LARGE1: variants seen among roughly 807,000 people sequenced by gnomAD.
LARGE1 encodes the protein LARGE xylosyl- and glucuronyltransferase 1.
LARGE1 carries 43 observed loss-of-function variants against 87.6 expected under a neutral mutation model. The ratio of observed to expected loss-of-function variants is 0.49; its 90% CI spans 0.38 to 0.63. LARGE1 has a LOEUF of 0.63. Ranked by LOEUF, LARGE1 falls within the 30% of genes least tolerant of loss-of-function variation. LARGE1 has a pLI of 0.00. For synonymous variants in LARGE1, 434 were observed against 394.6 expected, an observed-to-expected ratio of 1.10 and a Z score of -1.18; for missense variants, 802 against 1,000.2, an observed-to-expected ratio of 0.80 and a Z score of 2.67.
intron 11 of LARGE1, among the ~76,000 whole-genome samples, chr22:33,238,996 G>GA (rs1443793677): frequency 6.7e-6 from 1 of 148,522 alleles, no homozygotes; most frequent in Admixed American, 6.7e-5. Context: ...TAATAAAATA[G>GA]AAAAAAAATA....
the LARGE1 span, among the ~76,000 whole-genome samples, chr22:33,132,329 G>A: frequency 5.3e-5 from 8 of 151,658 alleles, no homozygotes; most frequent in African/African-American, 1.9e-4. Flanking sequence ...GGCTACAGGC[G>A]TGCACCACCA....
At position 33,637,458 on chromosome 22, in the gene LARGE1, C is replaced by T. The variant is rs976023694; in HGVS notation, c.409-11132G>A. ...GGTAGCCAGCCTCCAAGACTGTCTC[C>T]AAAGATCCCTTCCCCCTGGTTTTCA... On this transcript the variant is annotated intron_variant, in intron 3 of 14. Coordinates refer to ENST00000397394, the MANE Select transcript of LARGE1 (RefSeq NM_133642.5). 3.9e-5 allele frequency among the ~76,000 whole-genome samples: 6 copies of T among 152,274 alleles called. No homozygotes were observed. In the South Asian group the frequency reaches 6.2e-4, roughly 16 times the overall value.
At chr22:33,914,221 C>T (rs2065720238) in intron 1 of LARGE1, among the ~76,000 whole-genome samples, 3 of 152,138 alleles carry the variant, frequency 2.0e-5, no homozygotes, top group Admixed American at 2.0e-4. Context: ...TTGGAGGCAT[C>T]AAACTAAGTC....
In LARGE1 at chr22:33,350,452, T is replaced by G. The variant is rs1484698317; in HGVS notation, c.1132-12651A>C. Among the ~76,000 whole-genome samples the G allele has an allele frequency of 2.0e-5, 3 of 152,208 alleles. No homozygotes were observed. In the South Asian group the frequency reaches 6.2e-4, roughly 31 times the overall value. On this transcript the variant is annotated intron_variant, in intron 9 of 14. Transcript: ENST00000397394. ...TATTCACATTTTAGCCTCCCCACAG[T>G]GTCCTCCTCGGGGGTGTGACTGGAG...
intron 7 of LARGE1, among the ~76,000 whole-genome samples, chr22:33,408,359 A>G (rs1371086418): frequency 7.9e-5 from 12 of 152,202 alleles, no homozygotes; most frequent in Non-Finnish European, 7.3e-5. Context: ...GGCTACAAAG[A>G]TCAATGATAA....
intron 5 of LARGE1, among the ~76,000 whole-genome samples, chr22:33,580,561 C>G (rs558170582): frequency 6.6e-6 from 1 of 152,036 alleles, no homozygotes; most frequent in Non-Finnish European, 1.5e-5. Context: ...TGAGTGAGCT[C>G]GAGACGCTAG....
At chr22:33,534,126 C>T (rs2076974182) in intron 6 of LARGE1, among the ~76,000 whole-genome samples, 2 of 152,050 alleles carry the variant, frequency 1.3e-5, no homozygotes, top group African/African-American at 2.4e-5. Flanking sequence ...TGAAGTCAGC[C>T]GGGCGTGGTG....
At chr22:33,510,351 C>A (rs371351086) in intron 6 of LARGE1, among the ~76,000 whole-genome samples, 2 of 152,158 alleles carry the variant, frequency 1.3e-5, no homozygotes, top group African/African-American at 4.8e-5. Context: ...GAGTTAGGAA[C>A]TTTACAGATG....
At chr22:33,427,948 G>A (rs2066935675) in intron 7 of LARGE1, among the ~76,000 whole-genome samples, 1 of 152,216 alleles carries the variant, frequency 6.6e-6, no homozygotes, top group Non-Finnish European at 1.5e-5. Flanking sequence ...GTAAAACACA[G>A]CGAGGAAGCT....
At chr22:33,817,625 G>A (rs1420371046) in intron 1 of LARGE1, among the ~76,000 whole-genome samples, 1 of 152,112 alleles carries the variant, frequency 6.6e-6, no homozygotes, top group East Asian at 1.9e-4. Flanking sequence ...AAAGTCTAGA[G>A]CACAGAGCTG....
At chr22:33,227,890 G>C (rs137970797) in intron 11 of LARGE1, among the ~76,000 whole-genome samples, 40 of 152,202 alleles carry the variant, frequency 2.6e-4, no homozygotes, top group African/African-American at 9.6e-4. Context: ...AGGTTTTCTT[G>C]TTCATCCATC....
At chr22:33,560,572 A>G (rs147918730) in intron 6 of LARGE1, among the ~76,000 whole-genome samples, 51 of 152,326 alleles carry the variant, frequency 3.3e-4, no homozygotes, top group African/African-American at 1.2e-3. Context: ...CCTTCACAAC[A>G]GCCTCCCCAA....
chr22:33,658,664 A>G (rs903825967), intron 2 of LARGE1, among the ~76,000 whole-genome samples: 7 of 152,172 alleles, frequency 4.6e-5, no homozygotes, highest in African/African-American at 1.4e-4. Flanking sequence ...TATATGTACC[A>G]TATTTTCTTT....
intron 1 of LARGE1, among the ~76,000 whole-genome samples, chr22:33,891,785 A>C (rs2065013450): frequency 6.6e-6 from 1 of 152,228 alleles, no homozygotes; most frequent in African/African-American, 2.4e-5. Flanking sequence ...TTTAAGTTGT[A>C]AGAGCTGGTT....
At chr22:33,488,775 GA>G (rs1264531284) in intron 6 of LARGE1, among the ~76,000 whole-genome samples, 2 of 152,136 alleles carry the variant, frequency 1.3e-5, no homozygotes, top group African/African-American at 4.8e-5. Context: ...ATAATCTGGG[GA>G]AACGCTTTGT....
chr22:33,379,500 A>G (rs545024438), intron 9 of LARGE1, among the ~76,000 whole-genome samples: 24 of 152,178 alleles, frequency 1.6e-4, no homozygotes, highest in African/African-American at 5.8e-4. Flanking sequence ...AGACACATGC[A>G]CACCTATGTT....
chr22:33,713,206 G>A (rs977137585), intron 2 of LARGE1, among the ~76,000 whole-genome samples: 1 of 152,096 alleles, frequency 6.6e-6, no homozygotes, highest in African/African-American at 2.4e-5. Flanking sequence ...ATGCATAATA[G>A]TCCCAGAAGG....
At chr22:33,719,508 T>C (rs1243703601) in intron 2 of LARGE1, among the ~76,000 whole-genome samples, 2 of 150,210 alleles carry the variant, frequency 1.3e-5, no homozygotes, top group Non-Finnish European at 3.0e-5. Flanking sequence ...TATTTATTTA[T>C]TTATTTATTT....
At chr22:33,776,234 G>T (rs976395511) in intron 1 of LARGE1, among the ~76,000 whole-genome samples, 4 of 152,190 alleles carry the variant, frequency 2.6e-5, no homozygotes, top group African/African-American at 9.7e-5. Flanking sequence ...ACACAATCTG[G>T]ATTGTACTTT....
Sources: allele counts gnomAD v4.1 joint callset (sites outside exome capture counted in the v4.1 genomes callset), GRCh38; gene constraint gnomAD v4.1.1; transcripts MANE v1.5; gene names NCBI Gene and HGNC (gene_info 2026-07-23, HGNC 2026-07-21).